Variants in BCR observed in about 807,000 individuals in gnomAD.
BCR encodes the protein BCR activator of RhoGEF and GTPase.
A neutral mutation model predicts 138.6 loss-of-function variants in BCR; 58 were observed. The ratio of observed to expected loss-of-function variants is 0.42; its 90% CI spans 0.34 to 0.52. BCR has a LOEUF of 0.52. Ranked by LOEUF, BCR falls within the 20% of genes least tolerant of loss-of-function variation. The pLI is 0.06. For synonymous variants in BCR, 786 were observed against 730.1 expected, an observed-to-expected ratio of 1.08 and a Z score of -1.23; for missense variants, 1,599 against 1,727.2, an observed-to-expected ratio of 0.93 and a Z score of 1.32.
Position 23,247,103 on chromosome 22 carries a change from G to C in BCR, c.1280-6696G>C, listed in dbSNP as rs78999270. ...CTGCCTGACAATCCCTCCAAAAGAC[G>C]TGTGCTGCTGTTTGTAGAAGTCGCT... is the stretch of plus-strand genomic sequence containing the variant. On this transcript the variant is annotated intron_variant, in intron 1 of 22. Coordinates refer to ENST00000305877, the MANE Select transcript of BCR (RefSeq NM_004327.4). Among the ~76,000 whole-genome samples the C allele has an allele frequency of 2.3e-3, 354 of 152,228 alleles. 3 individuals carry two copies. Among genetic ancestry groups the C allele is most frequent in the African/African-American group, 8.1e-3 (338 of 41,536 alleles).
intron 8 of BCR, chr22:23,283,313 C>T (rs2073671504): frequency 1.3e-5 from 2 of 152,326 alleles, no homozygotes; most frequent in South Asian, 2.1e-4. Context: ...TCCATCCTGT[C>T]TAGTTGGGAG....
At chr22:23,261,966 T>G (rs1377362440) in intron 4 of BCR, 1 of 162,576 alleles carries the variant, frequency 6.2e-6, no homozygotes. Flanking sequence ...CCAAACTTAG[T>G]GTGTAGTGCA....
intron 1 of BCR, among the ~76,000 whole-genome samples, chr22:23,201,883 C>T (rs1212659690): frequency 6.6e-6 from 1 of 152,160 alleles, no homozygotes; most frequent in South Asian, 2.1e-4. Flanking sequence ...AAGAGGGGAG[C>T]AGATGAAGAG....
intron 1 of BCR, among the ~76,000 whole-genome samples, chr22:23,212,478 A>C (rs1314807560): frequency 2.0e-5 from 3 of 152,218 alleles, no homozygotes; most frequent in African/African-American, 7.2e-5. Flanking sequence ...GGGAAGCTTG[A>C]TGGAGTTGTT....
At chr22:23,284,842 G>A (rs947712718) in intron 9 of BCR, among the ~76,000 whole-genome samples, 191 bp from the exon 10 acceptor site, 1 of 152,208 alleles carries the variant, frequency 6.6e-6, no homozygotes, top group Admixed American at 6.5e-5. Flanking sequence ...CATGTTCAGA[G>A]TGTCTGTTCC....
intron 15 of BCR, among the ~76,000 whole-genome samples, chr22:23,294,771 G>C (rs531548787): frequency 2.0e-5 from 3 of 152,340 alleles, no homozygotes; most frequent in East Asian, 3.9e-4. Context: ...TGAGATGCTG[G>C]TGTAAGGAGT....
rs373742833 is a variant in BCR at position 23,180,592 on chromosome 22, A to AGCGGCAG, written c.-369_-368insGCGGCAG. On this transcript the variant is annotated 5_prime_UTR_variant, in exon 1 of 23. Transcript: ENST00000305877. The stretch of plus-strand genomic sequence containing the variant: ...AGGAGGCGGCGGCGGCGGCGGCGGC[A>AGCGGCAG]CGGCGGCGGCGGGGCTGTGGGGCGG... 1.0e-4 allele frequency: 19 copies of AGCGGCAG among 182,138 alleles called. No individual in the cohort carries two copies. The highest frequency in any genetic ancestry group is 7.4e-4 in the East Asian group (5 of 6,792). 11.3% of individuals were successfully genotyped at this position (182,138 alleles called of 1,614,324 possible).
At chr22:23,239,800 A>G (rs2073068278) in intron 1 of BCR, among the ~76,000 whole-genome samples, 1 of 151,892 alleles carries the variant, frequency 6.6e-6, no homozygotes, top group African/African-American at 2.4e-5. Context: ...TCTGTATCCA[A>G]ATTCCACCCA....
intron 1 of BCR, among the ~76,000 whole-genome samples, chr22:23,223,194 T>C (rs115304917): frequency 0.03 from 4,632 of 152,226 alleles, 258 homozygotes; most frequent in African/African-American, 0.11. Context: ...ATTAAGTCCA[T>C]AGCACAAGGG....
chr22:23,282,924 T>C (rs916974676), intron 8 of BCR, among the ~76,000 whole-genome samples: 1 of 152,164 alleles, frequency 6.6e-6, no homozygotes, highest in African/African-American at 2.4e-5. Flanking sequence ...ATGTTACCCC[T>C]CTCTTTCTGC....
At chr22:23,182,268 A>G in intron 1 of BCR, 29 bp downstream of exon 1, 1 of 1,511,836 alleles carries the variant, frequency 6.6e-7, no homozygotes, top group South Asian at 1.2e-5. Context: ...GTGCGTGGGC[A>G]CACCTGCACG....
chr22:23,198,416 T>C lies in BCR; in HGVS notation c.1279+16177T>C, dbSNP rs565242255. On this transcript the variant is annotated intron_variant, in intron 1 of 22. Coordinates refer to ENST00000305877, the MANE Select transcript of BCR (RefSeq NM_004327.4). ...TGATGTGTTTGGGTCTATGGGAAGG[T>C]TGGTGACCCCCAAAGAGAGGTGGCT... 1.1e-5 allele frequency: 5 copies of C among 437,472 alleles called. No homozygotes were observed. In the East Asian group the frequency reaches 3.3e-4, roughly 29 times the overall value. 27.1% of individuals were successfully genotyped at this position (437,472 alleles called of 1,614,324 possible).
At chr22:23,250,928 C>T (rs2146264796) in intron 1 of BCR, 1 of 152,304 alleles carries the variant, frequency 6.6e-6, no homozygotes. Context: ...AGCCTCGCTT[C>T]TGAGGGATTA....
At chr22:23,189,472 G>A (rs1003272028) in intron 1 of BCR, among the ~76,000 whole-genome samples, 1 of 152,032 alleles carries the variant, frequency 6.6e-6, no homozygotes, top group African/African-American at 2.4e-5. Context: ...GTTCCCCAGG[G>A]CGACACTCTC....
intron 1 of BCR, among the ~76,000 whole-genome samples, chr22:23,186,143 C>A (rs939868875): frequency 7.2e-5 from 11 of 152,206 alleles, no homozygotes; most frequent in Non-Finnish European, 8.8e-5. Context: ...AATGGCAGGA[C>A]TGAAGAGGAC....
rs550014729 is a variant in BCR at position 23,190,587 on chromosome 22, G to A, written c.1279+8348G>A. 5.3e-5 allele frequency among the ~76,000 whole-genome samples: 8 copies of A among 152,320 alleles called. No individual in the cohort carries two copies. The South Asian group carries it at 1.7e-3, about 32-fold the overall frequency. On this transcript the variant is annotated intron_variant, in intron 1 of 22. Coordinates refer to ENST00000305877, the MANE Select transcript of BCR (RefSeq NM_004327.4). ...TTTCCAAATACAGTCACATTCTGAG[G>A]TACTGGGAGTTAGAACGTCAACATA... is the stretch of plus-strand genomic sequence containing the variant.
intron 16 of BCR, among the ~76,000 whole-genome samples, chr22:23,303,092 A>G (rs1407891484): frequency 6.6e-6 from 1 of 151,780 alleles, no homozygotes; most frequent in African/African-American, 2.4e-5. Flanking sequence ...TTTCTAGTGC[A>G]TGTAACAGTA....
intron 1 of BCR, among the ~76,000 whole-genome samples, chr22:23,185,999 G>A (rs1457615969): frequency 1.5e-5 from 1 of 66,438 alleles, no homozygotes; most frequent in African/African-American, 6.4e-5. Context: ...AAAGTGCTGG[G>A]ATTACAGGCG....
At chr22:23,256,515 G>A (rs982736209) in intron 2 of BCR, among the ~76,000 whole-genome samples, 3 of 152,130 alleles carry the variant, frequency 2.0e-5, no homozygotes, top group African/African-American at 4.8e-5. Flanking sequence ...TGGGGTGTTC[G>A]CCGGCTGGGC....
Sources: gnomAD v4.1 joint callset for allele counts (sites outside exome capture counted in the v4.1 genomes callset) on GRCh38, gnomAD v4.1.1 for gene constraint, MANE v1.5 for transcripts, NCBI Gene and HGNC (gene_info 2026-07-23, HGNC 2026-07-21) for gene names.